The following RBM19 variants were observed in gnomAD, a reference collection of about 807,000 sequenced individuals.
RBM19 encodes probable RNA-binding protein 19.
Under a neutral mutation model 116.8 loss-of-function variants are expected in RBM19, and 94 were observed. That is an observed-to-expected ratio of 0.80 (90% CI 0.68 to 0.95). The LOEUF (loss-of-function observed/expected upper bound fraction) is 0.95, where lower values mean the gene tolerates loss of function less well. Among genes scored for constraint, RBM19 ranks in the 40% least tolerant of loss-of-function variants. RBM19 has a pLI of 0.00. For synonymous variants in RBM19, 475 were observed against 494.1 expected (o/e 0.96, Z 0.51); for missense variants, 1,161 against 1,220.7 (o/e 0.95, Z 0.73).
At chr12:113,842,255 C>T (rs10850220) in intron 23 of RBM19, among the ~76,000 whole-genome samples, 29,187 of 151,952 alleles carry the variant, frequency 0.19, 3,450 homozygotes, top group Middle Eastern at 0.35. Flanking sequence ...AGGGCAGAAC[C>T]GCTGAGCCTG....
chr12:113,926,899 C>T (rs979420663), intron 17 of RBM19, among the ~76,000 whole-genome samples, 155 bp downstream of exon 17: 7 of 152,206 alleles, frequency 4.6e-5, no homozygotes, highest in African/African-American at 1.7e-4. Flanking sequence ...ACTGGACACC[C>T]CAGGGGAAAG....
intron 21 of RBM19, among the ~76,000 whole-genome samples, chr12:113,909,078 G>C (rs1445201362): frequency 6.6e-6 from 1 of 152,178 alleles, no homozygotes; most frequent in East Asian, 1.9e-4. Context: ...CAGGGGTCAG[G>C]AGTTAGTCAG....
intron 21 of RBM19, among the ~76,000 whole-genome samples, chr12:113,891,997 G>A (rs1300081942): frequency 6.6e-6 from 1 of 152,162 alleles, no homozygotes; most frequent in Non-Finnish European, 1.5e-5. Flanking sequence ...GAATAACCCT[G>A]TCTGTGTCAC....
chr12:113,950,514 T>G (rs950438980), intron 8 of RBM19, among the ~76,000 whole-genome samples: 1 of 152,144 alleles, frequency 6.6e-6, no homozygotes, highest in African/African-American at 2.4e-5. Flanking sequence ...AGGACCCACC[T>G]AGGCGCTGGA....
intron 21 of RBM19, among the ~76,000 whole-genome samples, chr12:113,868,638 C>G (rs916195735): frequency 1.3e-5 from 2 of 152,166 alleles, no homozygotes; most frequent in African/African-American, 4.8e-5. Context: ...ACAAGGAAAG[C>G]TATTAGCATC....
At chr12:113,892,329 C>G (rs956891117) in intron 21 of RBM19, among the ~76,000 whole-genome samples, 4 of 152,130 alleles carry the variant, frequency 2.6e-5, no homozygotes, top group African/African-American at 9.7e-5. Flanking sequence ...AATACCAGCC[C>G]TGCCTCCAGA....
intron 21 of RBM19, among the ~76,000 whole-genome samples, chr12:113,860,512 G>A (rs1427849057): frequency 2.0e-5 from 3 of 152,224 alleles, no homozygotes; most frequent in Admixed American, 6.5e-5. Flanking sequence ...TGGCACATCC[G>A]GCAGCTAAGG....
chr12:113,922,853 G>T lies in RBM19; in HGVS notation c.2305+1844C>A, dbSNP rs141568640. On this transcript the variant is annotated intron_variant, in intron 18 of 23. Transcript: ENST00000261741. Reference sequence around the variant, plus strand: ...TAACCAAGTTAAAATGAGGTCACAGGCCAGGCGCGGAAGCTCACGCTTGTA... The same window carrying T: ...TAACCAAGTTAAAATGAGGTCACAGTCCAGGCGCGGAAGCTCACGCTTGTA... 2.9e-4 allele frequency among the ~76,000 whole-genome samples: 44 copies of T among 152,300 alleles called. 2 individuals are homozygous for T. The East Asian group carries it at 7.7e-3, about 27-fold the overall frequency.
chr12:113,877,339 C>T (rs977265544), intron 21 of RBM19, among the ~76,000 whole-genome samples: 1 of 152,144 alleles, frequency 6.6e-6, no homozygotes, highest in Admixed American at 6.5e-5. Flanking sequence ...ACCTGCTTGC[C>T]AAGTATCTAT....
chr12:113,935,339 G>A (rs1304547633), intron 16 of RBM19, among the ~76,000 whole-genome samples: 2 of 152,104 alleles, frequency 1.3e-5, no homozygotes, highest in Non-Finnish European at 1.5e-5. Flanking sequence ...GTTCAAGGGT[G>A]GTAACTGAAG....
chr12:113,845,580 A>C (rs1182739490), intron 22 of RBM19, among the ~76,000 whole-genome samples: 2 of 151,890 alleles, frequency 1.3e-5, no homozygotes, highest in African/African-American at 4.8e-5. Context: ...ATCACCCCCA[A>C]AGGAAACCCC....
chr12:113,873,873 C>T (rs551712658), intron 21 of RBM19, among the ~76,000 whole-genome samples: 14 of 152,278 alleles, frequency 9.2e-5, no homozygotes, highest in African/African-American at 1.4e-4. Flanking sequence ...CTGAGTTACA[C>T]GTGTCTGGAC....
Position 113,927,351 on chromosome 12 carries a change from C to T in RBM19, c.2069-122G>A, listed in dbSNP as rs193099394. 3.8e-3 allele frequency: 4,759 copies of T among 1,243,706 alleles called. 14 individuals are homozygous for T. The highest frequency in any genetic ancestry group is 0.012 in the Middle Eastern group (44 of 3,548). 77.0% of individuals were successfully genotyped at this position (1,243,706 alleles called of 1,614,324 possible). A position where few individuals can be genotyped will look rare whatever the true frequency, so the allele number is the denominator to read the frequency against. On this transcript the variant is annotated intron_variant, in intron 16 of 23. Coordinates refer to ENST00000261741, the MANE Select transcript of RBM19 (RefSeq NM_016196.4). ...ACTAGGTAAAGGGGTTCTGCCTCTGCGGGCAGTGGCAGGAAGGGGCACCGT... is the reference window on the plus strand; with the variant it reads ...ACTAGGTAAAGGGGTTCTGCCTCTGTGGGCAGTGGCAGGAAGGGGCACCGT...
At chr12:113,937,158 C>T in intron 15 of RBM19, 22 bp from the exon 16 acceptor site, 1 of 1,613,086 alleles carries the variant, frequency 6.2e-7, no homozygotes, top group Non-Finnish European at 8.5e-7. Context: ...AGAGTGATGG[C>T]CCTGTGGGTC....
rs1368284371 is a variant in RBM19 at position 113,823,260 on chromosome 12, A to C, written c.2847T>G (p.Ser949Arg). The part of the protein sequence containing the change: ...LDEILEQLEG[S>R]DSDSEEQTLQ... ...GGGTCTGCTCCTCGCTGTCGCTGTC[A>C]CTGCCTTCCAGCTGCTCCAGGATCT... is the stretch of plus-strand genomic sequence containing the variant. The change falls in exon 24 of 24, where the codon AGT becomes AGG. Residue 949 changes from serine (S) to arginine (R), a missense_variant. Physicochemically the swap from Ser to Arg is moderately radical, Grantham distance 110. Coordinates refer to ENST00000261741, the MANE Select transcript of RBM19 (RefSeq NM_016196.4). 2 of 1,612,622 alleles carry C rather than the reference A, an allele frequency of 1.2e-6. No homozygotes were observed. Among genetic ancestry groups the C allele is most frequent in the Non-Finnish European group, 1.7e-6 (2 of 1,180,022 alleles).
At chr12:113,954,476 C>T (rs1052955185) in intron 7 of RBM19, among the ~76,000 whole-genome samples, 6 of 152,174 alleles carry the variant, frequency 3.9e-5, no homozygotes, top group African/African-American at 7.2e-5. Flanking sequence ...GTTAGACCTG[C>T]GGTAATTACA....
chr12:113,960,312 G>GTCACCCCTTAT, intron 2 of RBM19, 134 bp from the exon 3 acceptor site: 1 of 1,144,350 alleles, frequency 8.7e-7, no homozygotes, highest in Non-Finnish European at 1.2e-6. Flanking sequence ...TAGATTACAC[G>GTCACCCCTTAT]TCACCCCTTA....
At chr12:113,836,821 T>TACACACCCCCCCCCC (rs1565964414) in intron 23 of RBM19, among the ~76,000 whole-genome samples, 2 of 138,132 alleles carry the variant, frequency 1.4e-5, no homozygotes, top group African/African-American at 2.7e-5. Context: ...ACTTACTACA[T>TACACACCCCCCCCCC]ACATACACAC....
intron 23 of RBM19, among the ~76,000 whole-genome samples, chr12:113,842,306 G>A (rs1042249230): frequency 1.3e-5 from 2 of 152,340 alleles, no homozygotes; most frequent in African/African-American, 4.8e-5. Flanking sequence ...TGGGGGTGGC[G>A]GGGCAGATGG....
Sources: gnomAD v4.1 joint callset for allele counts (sites outside exome capture counted in the v4.1 genomes callset) on GRCh38, gnomAD v4.1.1 for gene constraint, MANE v1.5 for transcripts, NCBI Gene and HGNC (gene_info 2026-07-23, HGNC 2026-07-21) for gene names.